The following TSC2 variants were observed in gnomAD, a reference collection of about 807,000 sequenced individuals.
TSC2 encodes the protein tuberin.
TSC2 carries 29 observed loss-of-function variants against 202.2 expected under a neutral mutation model. That is an observed-to-expected ratio of 0.14 (90% CI 0.11 to 0.20). The LOEUF (loss-of-function observed/expected upper bound fraction) is 0.20. Ranked by LOEUF, TSC2 falls within the 10% of genes least tolerant of loss-of-function variation. The pLI is 1.00. For missense variants in TSC2, 2,429 were observed against 2,420.0 expected (o/e 1.00, Z -0.08); for synonymous variants, 1,349 against 1,044.0 (o/e 1.29, Z -5.63).
chr16:2,076,599 G>C lies in TSC2; in HGVS notation c.2837+14G>C, dbSNP rs975343086. 2.5e-6 allele frequency: 4 copies of C among 1,612,584 alleles called. No homozygotes were observed. The highest frequency in any genetic ancestry group is 2.7e-5 in the African/African-American group (2 of 74,908). ...GAGACCCAAGAGGTACGGCCTGCGG[G>C]GGTGTGCCTGGAGTCGGTGTGGGGT... On this transcript the variant is annotated intron_variant, in intron 25 of 41. Transcript: ENST00000219476.
chr16:2,072,561 G>A, intron 20 of TSC2, 198 bp downstream of exon 20: 1 of 873,770 alleles, frequency 1.1e-6, no homozygotes. Flanking sequence ...TTTTGGGACT[G>A]ACGTCAGAGG....
chr16:2,082,748 T>G, intron 32 of TSC2: 1 of 597,262 alleles, frequency 1.7e-6, no homozygotes, highest in Non-Finnish European at 3.0e-6. Flanking sequence ...CCGGCCCAGC[T>G]TCAGGCCTGA....
rs878854081 is a variant in TSC2, at chr16:2,072,297, C to A, written c.2154C>A (p.Arg718=). The A allele has an allele frequency of 6.2e-7, 1 of 1,614,166 alleles. No homozygotes were observed. The stretch of plus-strand genomic sequence containing the variant: ...TGGGCAGGCTGCCTGAGTCCCTGCG[C>A]TATAAAGTGCTCATCTTTACTTCCC... The part of the protein sequence containing the change: ...LVLGRLPESL[R]YKVLIFTSPC... The change falls in exon 20 of 42, where the codon CGC becomes CGA. Residue 718 remains arginine (R), a synonymous_variant. Coordinates refer to ENST00000219476, the MANE Select transcript of TSC2 (RefSeq NM_000548.5).
rs976349651 is a variant in TSC2 at position 2,087,025 on chromosome 16, G to C, written c.4989+154G>C. 3.4e-6 allele frequency: 4 copies of C among 1,188,688 alleles called. No individual in the cohort carries two copies. In the Admixed American group the frequency reaches 8.2e-5, roughly 24 times the overall value. The allele number at this position is 1,188,688 out of a possible 1,614,324, so 73.6% of individuals were successfully genotyped here. A position where few individuals can be genotyped will look rare whatever the true frequency, so the allele number is the denominator to read the frequency against. ...GCCCCGTGGGCACGAGCTTCACCCC[G>C]AGCCTGCGTTGTGTCCTCTGTGCCC... On this transcript the variant is annotated intron_variant, in intron 38 of 41. Coordinates refer to ENST00000219476, the MANE Select transcript of TSC2 (RefSeq NM_000548.5).
chr16:2,077,339 T>G, intron 25 of TSC2: 1 of 529,212 alleles, frequency 1.9e-6, no homozygotes, highest in Non-Finnish European at 3.4e-6. Context: ...GCACTGACGT[T>G]GTTTGTTTTG....
In TSC2 at chr16:2,086,758, C is replaced by A. The variant is rs2090852831; in HGVS notation, c.4876C>A (p.Pro1626Thr). 6.2e-7 allele frequency: 1 copy of A among 1,611,040 alleles called. No homozygotes were observed. ...CGTCTTCCACATCGCCACCCTGATG[C>A]CCACCAAGGACGTGGACAAGCACCG... The part of the protein sequence containing the change: ...QAVFHIATLM[P>T]TKDVDKHRCD... The change falls in exon 38 of 42, where the codon CCC (proline) becomes ACC (threonine). Residue 1626 changes from proline (P) to threonine (T), a missense_variant. Coordinates refer to ENST00000219476, the MANE Select transcript of TSC2 (RefSeq NM_000548.5).
chr16:2,084,821 C>T, intron 34 of TSC2, 106 bp downstream of exon 34: 2 of 1,599,038 alleles, frequency 1.3e-6, no homozygotes, highest in South Asian at 1.1e-5. Flanking sequence ...TCGCCTGTGC[C>T]CTAGGGCTGG....
In TSC2 at chr16:2,073,134, C is replaced by G. The variant is rs951898842; in HGVS notation, c.2355+151C>G. The stretch of plus-strand genomic sequence containing the variant: ...GCTTCCCTGGGTGGCTGCCAGATGC[C>G]CAGAGTGGGGACATCCGATTCCCTG... On this transcript the variant is annotated intron_variant, in intron 21 of 41. Coordinates refer to ENST00000219476, the MANE Select transcript of TSC2 (RefSeq NM_000548.5). 96 of 1,283,668 alleles carry G rather than the reference C, an allele frequency of 7.5e-5. No homozygotes were observed. The Admixed American group carries it at 1.9e-3, about 26-fold the overall frequency. 79.5% of individuals were successfully genotyped at this position (1,283,668 alleles called of 1,614,324 possible).
At chr16:2,062,750 C>T (rs776718520) in intron 13 of TSC2, 150 bp downstream of exon 13, 1 of 983,792 alleles carries the variant, frequency 1.0e-6, no homozygotes, top group Non-Finnish European at 1.6e-6. Flanking sequence ...CAGGTGCTAG[C>T]TTGCTTTCCA....
At chr16:2,048,302 T>G in intron 1 of TSC2, 1 of 1,068,458 alleles carries the variant, frequency 9.4e-7, no homozygotes, top group East Asian at 2.6e-5. Context: ...ACGTCGGGGC[T>G]CCCAGGACTT....
At position 2,088,543 on chromosome 16, in the gene TSC2, C is replaced by G. The variant is rs770117004; in HGVS notation, c.5357C>G (p.Pro1786Arg). 7.4e-6 allele frequency: 12 copies of G among 1,612,064 alleles called. No individual in the cohort carries two copies. The East Asian group carries it at 2.2e-4, about 30-fold the overall frequency. The stretch of plus-strand genomic sequence containing the variant: ...GCACAGACTCCAGCCGAGCCCACAC[C>G]TGGCTATGAGGTGGGCCAGCGGAAG... The part of the protein sequence containing the change: ...APAQTPAEPT[P>R]GYEVGQRKRL... Residue 1786 changes from proline (P) to arginine (R), a missense_variant, in exon 42 of 42, where the codon CCT (proline) becomes CGT (arginine). Pro to Arg is a moderately radical substitution (Grantham distance 103). Transcript: ENST00000219476.
intron 2 of TSC2, among the ~76,000 whole-genome samples, chr16:2,049,365 C>T (rs1241861463): frequency 6.6e-6 from 1 of 151,896 alleles, no homozygotes; most frequent in Non-Finnish European, 1.5e-5. Flanking sequence ...GGATTACAGG[C>T]ATGAGCCATC....
Position 2,059,629 on chromosome 16 carries a change from C to T in TSC2, c.975+756C>T, listed in dbSNP as rs540887802. ...CCGCCTCCCAGGTTCAAGCCATTCT[C>T]CTGCCTCAGCCTCCTGAGTAGCTGG... On this transcript the variant is annotated intron_variant, in intron 10 of 41. Transcript: ENST00000219476. Among the ~76,000 whole-genome samples the T allele has an allele frequency of 8.0e-5, 12 of 150,118 alleles. No individual in the cohort carries two copies. In the East Asian group the frequency reaches 2.2e-3, roughly 27 times the overall value.
Position 2,065,510 on chromosome 16 carries a change from T to C in TSC2, c.1600-9T>C, listed in dbSNP as rs886043268. 9 of 1,608,010 alleles carry C rather than the reference T, an allele frequency of 5.6e-6. No homozygotes were observed. The African/African-American group carries it at 9.4e-5, about 17-fold the overall frequency. ...AGCCTGTGTGTAAGTCCTGGCCTTCTCTTCAAAGGTGATGGCCCGCTCCCT... is the reference window on the plus strand; with the variant it reads ...AGCCTGTGTGTAAGTCCTGGCCTTCCCTTCAAAGGTGATGGCCCGCTCCCT... On this transcript the variant is annotated splice_polypyrimidine_tract_variant and intron_variant, in intron 15 of 41. Coordinates refer to ENST00000219476, the MANE Select transcript of TSC2 (RefSeq NM_000548.5).
At chr16:2,077,404 A>G (rs2089543415) in intron 25 of TSC2, 194 bp from the exon 26 acceptor site, 4 of 714,384 alleles carry the variant, frequency 5.6e-6, no homozygotes, top group South Asian at 3.4e-5. Context: ...ACGTATTATC[A>G]TGCATTTTTG....
At chr16:2,087,645 C>T (rs1184860980) in intron 38 of TSC2, among the ~76,000 whole-genome samples, 1 of 152,158 alleles carries the variant, frequency 6.6e-6, no homozygotes, top group Non-Finnish European at 1.5e-5. Flanking sequence ...AGGTGTCTTG[C>T]CTGTGGCTGC....
rs1051771 is a variant in TSC2, at chr16:2,088,583, G to C, written c.5397G>C (p.Ser1799=). Residue 1799 remains serine, a synonymous_variant, in exon 42 of 42, where the codon TCG becomes TCC. Transcript: ENST00000219476. ...GCCAGCGGAAGCGCCTCATCTCCTC[G>C]GTGGAGGACTTCACCGAGTTTGTGT... The part of the protein sequence containing the change: ...EVGQRKRLIS[S]VEDFTEFV 138,484 of 1,607,436 alleles carry C rather than the reference G, an allele frequency of 0.086. 6,704 individuals carry two copies. Among genetic ancestry groups the C allele is most frequent in the Non-Finnish European group, 0.096 (113,423 of 1,179,836 alleles).
At chr16:2,069,164 C>A (rs1371078370) in intron 16 of TSC2, among the ~76,000 whole-genome samples, 2 of 152,208 alleles carry the variant, frequency 1.3e-5, no homozygotes, top group Non-Finnish European at 2.9e-5. Flanking sequence ...GTGGGCCCGG[C>A]AGGGCGGCAG....
intron 16 of TSC2, among the ~76,000 whole-genome samples, chr16:2,069,403 G>C (rs1198412508): frequency 6.6e-6 from 1 of 152,018 alleles, no homozygotes; most frequent in Non-Finnish European, 1.5e-5. Flanking sequence ...TGCAACCTCC[G>C]CCTCCTGGGT....
Sources: allele counts gnomAD v4.1 joint callset (sites outside exome capture counted in the v4.1 genomes callset), GRCh38; gene constraint gnomAD v4.1.1; transcripts MANE v1.5; gene names NCBI Gene and HGNC (gene_info 2026-07-23, HGNC 2026-07-21).